The following KCNJ16 variants were observed in gnomAD, a reference collection of about 807,000 sequenced individuals.
KCNJ16 encodes potassium inwardly rectifying channel subfamily J member 16.
In KCNJ16, 15 loss-of-function variants were observed where a neutral mutation model predicts 18.5. The ratio of observed to expected loss-of-function variants is 0.81; its 90% CI spans 0.54 to 1.25. KCNJ16 has a LOEUF of 1.25. Among genes scored for constraint, KCNJ16 ranks in the 50% most tolerant of loss-of-function variants. The pLI, the probability that KCNJ16 is intolerant of heterozygous loss-of-function variation, is 0.00. For synonymous variants in KCNJ16, 174 were observed against 186.5 expected (o/e 0.93, Z 0.55); for missense variants, 523 against 525.7 (o/e 0.99, Z 0.05).
chr17:70,132,470 C>A lies in KCNJ16; in HGVS notation c.383C>A (p.Thr128Asn). ...FTGAFLFSLE[T>N]QTTIGYGYRC... ...GGGGCCTTTTTGTTCTCCCTAGAGA[C>A]CCAAACCACCATAGGATATGGTTAT... The change falls in exon 4 of 4, where the codon ACC (threonine) becomes AAC (asparagine). Residue 128 changes from threonine (T) to asparagine (N), a missense_variant. Thr to Asn is a moderately conservative substitution (Grantham distance 65). Transcript: ENST00000392671. The A allele has an allele frequency of 6.2e-7, 1 of 1,614,120 alleles. No individual in the cohort carries two copies.
intron 2 of KCNJ16, chr17:70,127,980 G>A (rs546125646): frequency 1.3e-5 from 2 of 152,172 alleles, no homozygotes; most frequent in Non-Finnish European, 2.9e-5. Context: ...CTAGAGGAAA[G>A]ATCCAGTTTT....
chr17:70,104,719 A>G (rs75611842), intron 2 of KCNJ16: 7,718 of 152,442 alleles, frequency 0.051, 213 homozygotes, highest in African/African-American at 0.076. Context: ...TTGATCAGAA[A>G]ACAAAGATGT....
rs780992513 is a variant in KCNJ16, at chr17:70,132,036, A to G, written c.-52A>G. The G allele has an allele frequency of 1.2e-6, 2 of 1,611,188 alleles. No homozygotes were observed. Among genetic ancestry groups the G allele is most frequent in the East Asian group, 2.2e-5 (1 of 44,862 alleles). On this transcript the variant is annotated 5_prime_UTR_variant, in exon 4 of 4. Coordinates refer to ENST00000392671, the MANE Select transcript of KCNJ16 (RefSeq NM_170741.4). ...CAAACCAAGAAATAGCAACAAGTCT[A>G]GAATTCTTACTACTACAAAACTCAC...
intron 1 of KCNJ16, among the ~76,000 whole-genome samples, chr17:70,086,112 T>C (rs1326264391): frequency 6.6e-6 from 1 of 152,180 alleles, no homozygotes; most frequent in Non-Finnish European, 1.5e-5. Flanking sequence ...AAGTCTTTAC[T>C]TAATTAATTC....
chr17:70,106,616 C>T (rs533640228), intron 2 of KCNJ16, among the ~76,000 whole-genome samples: 1 of 152,260 alleles, frequency 6.6e-6, no homozygotes, highest in East Asian at 1.9e-4. Flanking sequence ...GATACAGTTG[C>T]AATATCAAAG....
At chr17:70,110,435 T>C (rs1488092905) in intron 2 of KCNJ16, among the ~76,000 whole-genome samples, 1 of 151,780 alleles carries the variant, frequency 6.6e-6, no homozygotes, top group Non-Finnish European at 1.5e-5. Flanking sequence ...AATGTTGATC[T>C]CTCTCAGGTC....
intron 1 of KCNJ16, among the ~76,000 whole-genome samples, chr17:70,077,232 G>A (rs1250751002): frequency 6.6e-6 from 1 of 152,206 alleles, no homozygotes; most frequent in Non-Finnish European, 1.5e-5. Context: ...AGACAGATAC[G>A]ATTCTGCAAG....
Position 70,133,520 on chromosome 17 carries a change from T to C in KCNJ16, c.*176T>C. The C allele has an allele frequency of 7.0e-6, 4 of 571,356 alleles. No individual in the cohort carries two copies. Among genetic ancestry groups the C allele is most frequent in the East Asian group, 2.9e-5 (1 of 34,346 alleles). The allele number at this position is 571,356 out of a possible 1,614,324, so 35.4% of individuals were successfully genotyped here. A position where few individuals can be genotyped will look rare whatever the true frequency, so the allele number is the denominator to read the frequency against. On this transcript the variant is annotated 3_prime_UTR_variant, in exon 4 of 4. Coordinates refer to ENST00000392671, the MANE Select transcript of KCNJ16 (RefSeq NM_170741.4). ...CTAAAAATTCCATAGTTCTCAGTTA[T>C]TAAAATTTTTCTTGTTCGCCAATTT...
chr17:70,117,577 G>A (rs2073462266), intron 2 of KCNJ16, among the ~76,000 whole-genome samples: 1 of 152,144 alleles, frequency 6.6e-6, no homozygotes, highest in African/African-American at 2.4e-5. Context: ...TCTGCAACAG[G>A]GAGATGTAGG....
intron 1 of KCNJ16, among the ~76,000 whole-genome samples, chr17:70,092,746 C>T (rs2072182114): frequency 6.6e-6 from 1 of 152,058 alleles, no homozygotes; most frequent in Non-Finnish European, 1.5e-5. Context: ...ATTTTGGAAG[C>T]CAATGGTATA....
rs532035531 is a variant in KCNJ16, at chr17:70,134,759, A to G, written c.*1415A>G. Reference sequence around the variant, plus strand: ...ATTTGTTTATGTTATTTAAATACACACCCAGACACACACACACACAGTTTT... The same window carrying G: ...ATTTGTTTATGTTATTTAAATACACGCCCAGACACACACACACACAGTTTT... On this transcript the variant is annotated 3_prime_UTR_variant, in exon 4 of 4. Transcript: ENST00000392671. The G allele has an allele frequency of 6.0e-6, 1 of 167,108 alleles. No individual in the cohort carries two copies. Among genetic ancestry groups the G allele is most frequent in the South Asian group, 2.1e-4 (1 of 4,828 alleles). The allele number at this position is 167,108 out of a possible 1,614,324, so 10.4% of individuals were successfully genotyped here. A position where few individuals can be genotyped will look rare whatever the true frequency, so the allele number is the denominator to read the frequency against.
chr17:70,076,524 C>T (rs1567772925), intron 1 of KCNJ16, among the ~76,000 whole-genome samples: 1 of 152,180 alleles, frequency 6.6e-6, no homozygotes. Context: ...ATTTTTAGAA[C>T]ACGATAATTG....
At chr17:70,108,623 A>T (rs983399709) in intron 2 of KCNJ16, among the ~76,000 whole-genome samples, 2 of 152,106 alleles carry the variant, frequency 1.3e-5, no homozygotes, top group African/African-American at 4.8e-5. Flanking sequence ...GACCTCTATT[A>T]AACAAAAGAG....
intron 1 of KCNJ16, among the ~76,000 whole-genome samples, chr17:70,084,178 T>A (rs1340527060): frequency 1.3e-5 from 2 of 152,212 alleles, no homozygotes; most frequent in Non-Finnish European, 1.5e-5. Flanking sequence ...CTGGTTCACT[T>A]CCACCTTACA....
At chr17:70,124,303 G>C (rs1425243357) in intron 2 of KCNJ16, among the ~76,000 whole-genome samples, 1 of 152,134 alleles carries the variant, frequency 6.6e-6, no homozygotes, top group Non-Finnish European at 1.5e-5. Flanking sequence ...ACTGCTATCA[G>C]AGATTGTTCC....
intron 1 of KCNJ16, among the ~76,000 whole-genome samples, chr17:70,079,887 G>C (rs1236927074): frequency 6.6e-6 from 1 of 151,988 alleles, no homozygotes; most frequent in African/African-American, 2.4e-5. Flanking sequence ...ATTTTTAGTA[G>C]AGATGGGGTT....
intron 2 of KCNJ16, chr17:70,105,164 C>T (rs920908060): frequency 1.3e-5 from 2 of 152,166 alleles, no homozygotes; most frequent in African/African-American, 4.8e-5. Flanking sequence ...CATGTATCCC[C>T]GCTAATATGC....
chr17:70,095,786 T>C (rs773532247), intron 1 of KCNJ16, among the ~76,000 whole-genome samples: 2 of 150,974 alleles, frequency 1.3e-5, no homozygotes, highest in Admixed American at 6.6e-5. Flanking sequence ...CCAAAAAAAA[T>C]GTTGAAACTG....
At chr17:70,110,234 G>A (rs1027150868) in intron 2 of KCNJ16, among the ~76,000 whole-genome samples, 1 of 151,536 alleles carries the variant, frequency 6.6e-6, no homozygotes, top group South Asian at 2.1e-4. Flanking sequence ...TTTTGTTTTG[G>A]GTCACTCTTC....
Sources: allele counts gnomAD v4.1 joint callset (sites outside exome capture counted in the v4.1 genomes callset), GRCh38; gene constraint gnomAD v4.1.1; transcripts MANE v1.5; gene names NCBI Gene and HGNC (gene_info 2026-07-23, HGNC 2026-07-21).